SASH1: variants seen among roughly 807,000 people sequenced by gnomAD.
The protein encoded by SASH1 is SAM and SH3 domain containing 1, also known as SAM and SH3 domain-containing protein 1.
SASH1 carries 44 observed loss-of-function variants against 125.2 expected under a neutral mutation model. That is an observed-to-expected ratio of 0.35 (90% CI 0.28 to 0.45). SASH1 has a LOEUF of 0.45. Ranked by LOEUF, SASH1 falls within the 20% of genes least tolerant of loss-of-function variation. The pLI is 1.00. For missense variants in SASH1, 1,426 were observed against 1,614.5 expected (o/e 0.88, Z 2.00); for synonymous variants, 639 against 649.1 (o/e 0.98, Z 0.24).
At chr6:148,305,622 T>TAAAAAAAAAAAAAAAA (rs1780105518) in intron 1 of SASH1, among the ~76,000 whole-genome samples, 1 of 41,704 alleles carries the variant, frequency 2.4e-5, no homozygotes, top group Non-Finnish European at 4.7e-5. Flanking sequence ...AGACTCTGAC[T>TAAAAAAAAAAAAAAAA]CAAAAAAAAA....
intron 12 of SASH1, among the ~76,000 whole-genome samples, chr6:148,528,657 G>T (rs1458219941): frequency 6.6e-6 from 1 of 152,158 alleles, no homozygotes; most frequent in Non-Finnish European, 1.5e-5. Flanking sequence ...TCAATGGTCA[G>T]ACTGGGTTGA....
chr6:148,260,573 T>C, the SASH1 span, among the ~76,000 whole-genome samples: 1 of 142,608 alleles, frequency 7.0e-6, no homozygotes, highest in East Asian at 2.1e-4. Context: ...GCCACTACAC[T>C]CCAACCTGGA....
At chr6:148,345,435 G>A (rs1781490774) in intron 1 of SASH1, among the ~76,000 whole-genome samples, 1 of 152,188 alleles carries the variant, frequency 6.6e-6, no homozygotes, top group East Asian at 1.9e-4. Flanking sequence ...ATCAGGCTGG[G>A]AAGAACGTAA....
At chr6:148,352,102 A>G (rs1484808765) in intron 1 of SASH1, among the ~76,000 whole-genome samples, 1 of 152,232 alleles carries the variant, frequency 6.6e-6, no homozygotes, top group Non-Finnish European at 1.5e-5. Context: ...AACATCTCTT[A>G]GAAAACTGAT....
At chr6:148,214,283 A>C in the SASH1 span, among the ~76,000 whole-genome samples, 1 of 152,244 alleles carries the variant, frequency 6.6e-6, no homozygotes, top group South Asian at 2.1e-4. Flanking sequence ...ATGTTCGTAC[A>C]AAATGCTTAT....
intron 8 of SASH1, among the ~76,000 whole-genome samples, chr6:148,498,212 C>T (rs1779393229): frequency 6.9e-6 from 1 of 144,932 alleles, no homozygotes. Context: ...GGTGAAACCT[C>T]ATCTCTACAA....
chr6:148,522,228 G>A (rs560958452), intron 10 of SASH1, among the ~76,000 whole-genome samples: 2 of 152,286 alleles, frequency 1.3e-5, no homozygotes, highest in Admixed American at 1.3e-4. Context: ...TGTTCAGTAG[G>A]AAGTTATATA....
chr6:148,526,035 T>C (rs928856915), intron 11 of SASH1, among the ~76,000 whole-genome samples: 3 of 127,064 alleles, frequency 2.4e-5, no homozygotes, highest in Non-Finnish European at 4.9e-5. Context: ...ACCCCAAGGG[T>C]GAAGGTGAGT....
chr6:148,301,868 A>T lies in SASH1; in HGVS notation n.74+29491A>T, dbSNP rs979304559. On this transcript the variant is annotated intron_variant and non_coding_transcript_variant, in intron 1 of 3. Coordinates refer to the SASH1 transcript ENST00000367469. ...CACCTCGGCCTCCCAAAGTGCTGGGATTACAGGCATGAGCCACCGCACCCA... is the reference window on the plus strand; with the variant it reads ...CACCTCGGCCTCCCAAAGTGCTGGGTTTACAGGCATGAGCCACCGCACCCA... 3.4e-5 allele frequency among the ~76,000 whole-genome samples: 5 copies of T among 147,000 alleles called. No individual in the cohort carries two copies. The Admixed American group carries it at 3.4e-4, about 10-fold the overall frequency.
chr6:148,501,699 A>G (rs1165020781), intron 8 of SASH1, among the ~76,000 whole-genome samples: 2 of 152,180 alleles, frequency 1.3e-5, no homozygotes, highest in Non-Finnish European at 2.9e-5. Context: ...TACAGAGTGA[A>G]GGAGAAGCCA....
intron 4 of SASH1, among the ~76,000 whole-genome samples, chr6:148,450,317 A>G (rs1484536829): frequency 6.6e-6 from 1 of 152,152 alleles, no homozygotes; most frequent in Non-Finnish European, 1.5e-5. Context: ...GCCCCTACAT[A>G]TATCCCTAGC....
intron 2 of SASH1, among the ~76,000 whole-genome samples, chr6:148,391,205 G>T (rs866802646): frequency 2.0e-5 from 3 of 151,552 alleles, no homozygotes; most frequent in South Asian, 4.2e-4. Context: ...CACCTCCCAG[G>T]TTCAAGTGAT....
the SASH1 span, among the ~76,000 whole-genome samples, chr6:148,203,821 CATTAGGTTCTTT>C: frequency 6.6e-6 from 1 of 152,168 alleles, no homozygotes; most frequent in African/African-American, 2.4e-5. Flanking sequence ...TCCATTAATC[CATTAGGTTCTTT>C]ATTAATATCA....
chr6:148,308,619 C>T (rs1422704027), intron 1 of SASH1, among the ~76,000 whole-genome samples: 2 of 150,954 alleles, frequency 1.3e-5, no homozygotes, highest in Non-Finnish European at 3.0e-5. Flanking sequence ...TGGTCTCGAA[C>T]TCCTGACGTC....
the SASH1 span, among the ~76,000 whole-genome samples, chr6:148,254,270 T>A: frequency 2.0e-5 from 3 of 151,650 alleles, no homozygotes; most frequent in African/African-American, 7.3e-5. Flanking sequence ...TTTTTGCAAG[T>A]CATATATCTG....
intron 1 of SASH1, among the ~76,000 whole-genome samples, chr6:148,292,171 T>C (rs1003983237): frequency 2.0e-5 from 3 of 152,226 alleles, no homozygotes; most frequent in African/African-American, 4.8e-5. Flanking sequence ...GATCTTTTCA[T>C]AGAATCATGC....
intron 2 of SASH1, among the ~76,000 whole-genome samples, chr6:148,421,171 AAGAAAG>A (rs1785068454): frequency 1.4e-5 from 2 of 139,096 alleles, no homozygotes; most frequent in Non-Finnish European, 3.2e-5. Flanking sequence ...GAAAGAAAGA[AAGAAAG>A]AAAGAAAGAA....
chr6:148,466,646 C>T (rs60205147), intron 4 of SASH1, among the ~76,000 whole-genome samples: 13,222 of 152,188 alleles, frequency 0.087, 745 homozygotes, highest in Non-Finnish European at 0.13. Context: ...ACTACAACCT[C>T]GGACTCCTGG....
At chr6:148,401,287 A>G (rs1490477317) in intron 2 of SASH1, among the ~76,000 whole-genome samples, 2 of 151,948 alleles carry the variant, frequency 1.3e-5, no homozygotes, top group Admixed American at 1.3e-4. Context: ...CGGTCACATC[A>G]GTTATCCTGA....
Sources: gnomAD v4.1 joint callset for allele counts (sites outside exome capture counted in the v4.1 genomes callset) on GRCh38, gnomAD v4.1.1 for gene constraint, MANE v1.5 for transcripts, NCBI Gene and HGNC (gene_info 2026-07-23, HGNC 2026-07-21) for gene names.